LARGE1: variants seen among roughly 807,000 people sequenced by gnomAD.
LARGE1 encodes LARGE xylosyl- and glucuronyltransferase 1, also known as xylosyl- and glucuronyltransferase LARGE1.
In LARGE1, 43 loss-of-function variants were observed where a neutral mutation model predicts 87.6. That is an observed-to-expected ratio of 0.49 (90% CI 0.38 to 0.63). The LOEUF is 0.63. LARGE1 is among the 30% of genes least tolerant of loss of function. The pLI is 0.00. For missense variants in LARGE1, 802 were observed against 1,000.2 expected (o/e 0.80, Z 2.67); for synonymous variants, 434 against 394.6 (o/e 1.10, Z -1.18).
the LARGE1 span, among the ~76,000 whole-genome samples, chr22:33,130,267 C>T: frequency 0.36 from 49,742 of 137,468 alleles, 8,945 homozygotes; most frequent in South Asian, 0.47. Context: ...TGAGCCGAGA[C>T]AGCGCCACTG....
intron 11 of LARGE1, among the ~76,000 whole-genome samples, chr22:33,213,248 C>T (rs542391374): frequency 1.3e-5 from 2 of 152,174 alleles, no homozygotes; most frequent in South Asian, 4.1e-4. Flanking sequence ...ATGGATAACG[C>T]GTTGCTTCTT....
intron 6 of LARGE1, among the ~76,000 whole-genome samples, chr22:33,541,182 A>T (rs1306225206): frequency 7.8e-6 from 1 of 128,346 alleles, no homozygotes; most frequent in East Asian, 2.4e-4. Context: ...CCTGTCTCAA[A>T]AAAAGTGGGG....
chr22:33,380,543 G>C (rs997942402), intron 9 of LARGE1, among the ~76,000 whole-genome samples: 1 of 152,154 alleles, frequency 6.6e-6, no homozygotes, highest in Non-Finnish European at 1.5e-5. Context: ...GGAGTGGCTA[G>C]GTAACAGACT....
intron 7 of LARGE1, among the ~76,000 whole-genome samples, chr22:33,389,800 G>A (rs1463913953): frequency 2.0e-5 from 3 of 152,110 alleles, no homozygotes; most frequent in Non-Finnish European, 2.9e-5. Flanking sequence ...AGCCGCGACT[G>A]CATCACTGTA....
intron 9 of LARGE1, among the ~76,000 whole-genome samples, chr22:33,346,230 T>TCC (rs1939726718): frequency 6.6e-6 from 1 of 150,948 alleles, no homozygotes; most frequent in South Asian, 2.1e-4. Context: ...TTCTCTTCCT[T>TCC]TCTTCCTTCC....
chr22:33,650,301 T>A (rs528370124), intron 3 of LARGE1, 66 bp downstream of exon 3: 1 of 1,593,284 alleles, frequency 6.3e-7, no homozygotes, highest in Non-Finnish European at 8.6e-7. Flanking sequence ...CCAGGAGGCA[T>A]TTGCAAGGGG....
At chr22:33,459,498 A>G (rs1408892622) in intron 6 of LARGE1, among the ~76,000 whole-genome samples, 1 of 150,424 alleles carries the variant, frequency 6.6e-6, no homozygotes, top group Non-Finnish European at 1.5e-5. Flanking sequence ...TGGGTTGTGA[A>G]ATAATGGTAT....
intron 1 of LARGE1, among the ~76,000 whole-genome samples, chr22:33,800,380 C>G (rs928721057): frequency 6.6e-6 from 1 of 152,156 alleles, no homozygotes; most frequent in Non-Finnish European, 1.5e-5. Flanking sequence ...TTAATTAGAC[C>G]ACAGACCTTA....
At chr22:33,883,980 G>A (rs990891050) in intron 1 of LARGE1, among the ~76,000 whole-genome samples, 1 of 152,224 alleles carries the variant, frequency 6.6e-6, no homozygotes, top group East Asian at 1.9e-4. Context: ...ACTCTATGAA[G>A]GCAGGGACTC....
rs8139051 is a variant in LARGE1, at chr22:33,321,975, T to G, written c.1288-5727A>C. Among the ~76,000 whole-genome samples, 1,443 of 152,166 alleles carry G rather than the reference T, an allele frequency of 9.5e-3. 20 individuals carry two copies. Among genetic ancestry groups the G allele is most frequent in the African/African-American group, 0.033 (1,357 of 41,486 alleles). On this transcript the variant is annotated intron_variant, in intron 10 of 14. Transcript: ENST00000397394. The stretch of plus-strand genomic sequence containing the variant: ...CTGGGATTACAGGTGCGCACCACCA[T>G]GCCCAGCTAATTTTTGTATTTTTAG...
At chr22:33,841,321 A>G (rs2063275967) in intron 1 of LARGE1, among the ~76,000 whole-genome samples, 1 of 152,218 alleles carries the variant, frequency 6.6e-6, no homozygotes, top group African/African-American at 2.4e-5. Context: ...AACTCAAACT[A>G]ATGCAGGCAA....
intron 7 of LARGE1, among the ~76,000 whole-genome samples, chr22:33,388,971 G>T (rs114271682): frequency 1.3e-5 from 2 of 152,182 alleles, no homozygotes; most frequent in South Asian, 4.1e-4. Flanking sequence ...CATAAGACAC[G>T]TACATCATTA....
At chr22:33,093,737 A>G in the LARGE1 span, among the ~76,000 whole-genome samples, 2 of 149,824 alleles carry the variant, frequency 1.3e-5, no homozygotes, top group Admixed American at 1.3e-4. Flanking sequence ...GTAAAATTCT[A>G]TTCTGCACTG....
chr22:33,089,934 G>C, the LARGE1 span, among the ~76,000 whole-genome samples: 5 of 151,636 alleles, frequency 3.3e-5, no homozygotes, highest in African/African-American at 4.9e-5. Flanking sequence ...GTCTGATACT[G>C]TTTATGTGCT....
At chr22:33,237,294 T>C (rs1926300335) in intron 11 of LARGE1, among the ~76,000 whole-genome samples, 1 of 152,220 alleles carries the variant, frequency 6.6e-6, no homozygotes, top group Non-Finnish European at 1.5e-5. Context: ...AGCTTAAACA[T>C]GCATGGTAAG....
chr22:33,491,432 A>T lies in LARGE1; in HGVS notation c.788-59167T>A, dbSNP rs550321158. Among the ~76,000 whole-genome samples the T allele has an allele frequency of 9.8e-5, 15 of 152,328 alleles. No individual in the cohort carries two copies. In the South Asian group the frequency reaches 2.7e-3, roughly 27 times the overall value. On this transcript the variant is annotated intron_variant, in intron 6 of 14. Transcript: ENST00000397394. ...GACAGAACCTCTGATAAAAGTAGTT[A>T]AAAAAGATGAACGCATTTTCCCAAC...
At chr22:33,117,182 A>G in the LARGE1 span, among the ~76,000 whole-genome samples, 1 of 152,128 alleles carries the variant, frequency 6.6e-6, no homozygotes, top group Non-Finnish European at 1.5e-5. Flanking sequence ...CTACTTACCT[A>G]TCTAATTCTG....
chr22:33,271,109 T>G (rs1015684009), downstream of LARGE1, among the ~76,000 whole-genome samples: 56 of 152,238 alleles, frequency 3.7e-4, no homozygotes, highest in Non-Finnish European at 1.3e-4. Context: ...AGATTTGGCA[T>G]ATTTTAGGAG....
intron 6 of LARGE1, among the ~76,000 whole-genome samples, chr22:33,463,603 A>G (rs1198211636): frequency 6.6e-6 from 1 of 152,222 alleles, no homozygotes; most frequent in African/African-American, 2.4e-5. Flanking sequence ...GTACATAGGT[A>G]AAGAACTTGA....
Sources: allele counts gnomAD v4.1 joint callset (sites outside exome capture counted in the v4.1 genomes callset), GRCh38; gene constraint gnomAD v4.1.1; transcripts MANE v1.5; gene names NCBI Gene and HGNC (gene_info 2026-07-23, HGNC 2026-07-21).